NXPE2: variants seen among roughly 807,000 people sequenced by gnomAD.
NXPE2 encodes the protein NXPE family member 2.
NXPE2 carries 34 observed loss-of-function variants against 34.4 expected under a neutral mutation model. The ratio of observed to expected loss-of-function variants is 0.99; its 90% CI spans 0.75 to 1.31. The LOEUF is 1.31. Among genes scored for constraint, NXPE2 ranks in the 40% most tolerant of loss-of-function variants. The pLI, the probability that NXPE2 is intolerant of heterozygous loss-of-function variation, is 0.00. For missense variants in NXPE2, 649 were observed against 672.5 expected (o/e 0.97, Z 0.39); for synonymous variants, 235 against 231.3 (o/e 1.02, Z -0.15).
At chr11:114,655,131 A>G in the NXPE2 span, among the ~76,000 whole-genome samples, 3 of 152,108 alleles carry the variant, frequency 2.0e-5, no homozygotes, top group African/African-American at 7.2e-5. Flanking sequence ...TTCTTTCGAG[A>G]AGTGTCTGTT....
the NXPE2 span, among the ~76,000 whole-genome samples, chr11:114,470,723 A>G: frequency 6.6e-6 from 1 of 152,014 alleles, no homozygotes; most frequent in Admixed American, 6.6e-5. Flanking sequence ...GTCCTTGGGA[A>G]GAGATGATGC....
At chr11:114,533,067 AC>A in the NXPE2 span, among the ~76,000 whole-genome samples, 2 of 152,222 alleles carry the variant, frequency 1.3e-5, no homozygotes, top group Non-Finnish European at 2.9e-5. Context: ...GTTCAACATA[AC>A]GTTAGAAGTC....
At chr11:114,587,100 C>A in the NXPE2 span, among the ~76,000 whole-genome samples, 1 of 152,174 alleles carries the variant, frequency 6.6e-6, no homozygotes, top group South Asian at 2.1e-4. Context: ...ACACTCTTAA[C>A]TTCCTAATTC....
At chr11:114,700,556 G>T (rs1951347084) in intron 3 of NXPE2, among the ~76,000 whole-genome samples, 1 of 151,998 alleles carries the variant, frequency 6.6e-6, no homozygotes, top group East Asian at 1.9e-4. Context: ...AGATAGGGAG[G>T]CAGGGCCTTA....
the NXPE2 span, among the ~76,000 whole-genome samples, chr11:114,775,403 C>A: frequency 1.3e-5 from 2 of 152,178 alleles, no homozygotes; most frequent in Non-Finnish European, 2.9e-5. Flanking sequence ...AAGAGGACAA[C>A]ACCTTTTCTA....
chr11:114,540,100 C>T, the NXPE2 span, among the ~76,000 whole-genome samples: 30 of 152,314 alleles, frequency 2.0e-4, no homozygotes, highest in South Asian at 8.3e-4. Context: ...GGATTACAGA[C>T]GCCTGCCATC....
the NXPE2 span, chr11:114,551,259 G>C: frequency 7.7e-7 from 1 of 1,301,014 alleles, no homozygotes; most frequent in Non-Finnish European, 1.0e-6. Flanking sequence ...GAATCTCTCT[G>C]TACTCACTCA....
chr11:114,605,375 G>A, the NXPE2 span, among the ~76,000 whole-genome samples: 1 of 151,036 alleles, frequency 6.6e-6, no homozygotes, highest in Non-Finnish European at 1.5e-5. Context: ...TGCATAATAA[G>A]TATTGCCTAT....
chr11:114,772,766 T>C, the NXPE2 span, among the ~76,000 whole-genome samples: 3 of 152,130 alleles, frequency 2.0e-5, no homozygotes, highest in Non-Finnish European at 2.9e-5. Flanking sequence ...GCCCCACTGA[T>C]GTGCTTGGCT....
chr11:114,612,781 C>A, the NXPE2 span, among the ~76,000 whole-genome samples: 1 of 151,956 alleles, frequency 6.6e-6, no homozygotes, highest in South Asian at 2.1e-4. Context: ...ACCACTGTTA[C>A]CTGGTGGATA....
chr11:114,638,234 A>C, the NXPE2 span, among the ~76,000 whole-genome samples: 28 of 151,522 alleles, frequency 1.8e-4, no homozygotes, highest in Non-Finnish European at 2.7e-4. Context: ...TCACTGATAC[A>C]CTTTCTTCCA....
chr11:114,772,087 T>C, the NXPE2 span, among the ~76,000 whole-genome samples: 1 of 152,174 alleles, frequency 6.6e-6, no homozygotes, highest in African/African-American at 2.4e-5. Flanking sequence ...AACGGACGCT[T>C]TGTGTGGCTT....
At chr11:114,703,175 A>G (rs1430884793) in intron 3 of NXPE2, among the ~76,000 whole-genome samples, 1 of 152,236 alleles carries the variant, frequency 6.6e-6, no homozygotes, top group Non-Finnish European at 1.5e-5. Flanking sequence ...GTAGATGAAG[A>G]TGAAGCTGGC....
At chr11:114,637,215 TA>T in the NXPE2 span, among the ~76,000 whole-genome samples, 1 of 152,102 alleles carries the variant, frequency 6.6e-6, no homozygotes, top group Non-Finnish European at 1.5e-5. Flanking sequence ...TACCATTAAG[TA>T]ATGGCCTTCT....
At chr11:114,708,051 T>G (rs949383922), downstream of NXPE2, among the ~76,000 whole-genome samples, 1 of 152,166 alleles carries the variant, frequency 6.6e-6, no homozygotes, top group Non-Finnish European at 1.5e-5. Context: ...GATGATTGAA[T>G]AGCAAATCAT....
At chr11:114,740,805 C>G in the NXPE2 span, among the ~76,000 whole-genome samples, 1 of 152,126 alleles carries the variant, frequency 6.6e-6, no homozygotes, top group Non-Finnish European at 1.5e-5. Flanking sequence ...GTCTATTTCT[C>G]CCTTCAGAGC....
the NXPE2 span, among the ~76,000 whole-genome samples, chr11:114,521,139 T>C: frequency 1.3e-5 from 2 of 152,076 alleles, no homozygotes; most frequent in South Asian, 4.1e-4. Context: ...ATTTCCTTTA[T>C]CTATTAGGGT....
the NXPE2 span, among the ~76,000 whole-genome samples, chr11:114,557,506 G>T: frequency 6.6e-6 from 1 of 150,930 alleles, no homozygotes; most frequent in African/African-American, 2.4e-5. Context: ...GCCTAGGTTG[G>T]ACTGGAACTA....
chr11:114,500,859 C>A, the NXPE2 span, among the ~76,000 whole-genome samples: 1 of 152,064 alleles, frequency 6.6e-6, no homozygotes, highest in Non-Finnish European at 1.5e-5. Flanking sequence ...GTTCCAACAC[C>A]ATTTGTAGAA....
Sources: allele counts gnomAD v4.1 joint callset (sites outside exome capture counted in the v4.1 genomes callset), GRCh38; gene constraint gnomAD v4.1.1; transcripts MANE v1.5; gene names NCBI Gene and HGNC (gene_info 2026-07-23, HGNC 2026-07-21).